MLKL: variants seen among roughly 807,000 people sequenced by gnomAD.
MLKL encodes mixed lineage kinase domain like pseudokinase.
A neutral mutation model predicts 56.5 loss-of-function variants in MLKL; 55 were observed. The ratio of observed to expected loss-of-function variants is 0.97; its 90% CI spans 0.78 to 1.22. The LOEUF (loss-of-function observed/expected upper bound fraction) is 1.22. Among genes scored for constraint, MLKL ranks in the 50% most tolerant of loss-of-function variants. MLKL has a pLI of 0.00. For missense variants in MLKL, 694 were observed against 573.9 expected (o/e 1.21, Z -2.14); for synonymous variants, 251 against 208.3 (o/e 1.20, Z -1.76).
chr16:74,693,885 G>A (rs1960849470), intron 2 of MLKL, among the ~76,000 whole-genome samples: 1 of 152,124 alleles, frequency 6.6e-6, no homozygotes, highest in Non-Finnish European at 1.5e-5. Context: ...TTACAGGCGT[G>A]AGCCACCCCG....
At chr16:74,698,200 C>T (rs1961165299) in intron 1 of MLKL, among the ~76,000 whole-genome samples, 1 of 151,870 alleles carries the variant, frequency 6.6e-6, no homozygotes, top group Non-Finnish European at 1.5e-5. Flanking sequence ...CAGAATGAGA[C>T]AGTGTCTCAA....
At position 74,685,489 on chromosome 16, in the gene MLKL, T is replaced by A. The variant is rs1960269860; in HGVS notation, c.817A>T (p.Thr273Ser). The change falls in exon 5 of 11, where the codon ACA becomes TCA. Residue 273 changes from threonine to serine, a missense_variant. Transcript: ENST00000308807. ...LRIFGICIDE[T>S]VTPPQFSIVM... Reference sequence around the variant, plus strand: ...CAATCCTAGAAGCATTCCTTACCTGTTTCATCAATGCAAATCCCAAATATA... The same window carrying A: ...CAATCCTAGAAGCATTCCTTACCTGATTCATCAATGCAAATCCCAAATATA... The A allele has an allele frequency of 6.2e-7, 1 of 1,612,792 alleles. No individual in the cohort carries two copies. The highest frequency in any genetic ancestry group is 2.2e-5 in the East Asian group (1 of 44,886).
At chr16:74,687,412 T>G (rs980701455) in intron 4 of MLKL, among the ~76,000 whole-genome samples, 21 of 151,588 alleles carry the variant, frequency 1.4e-4, no homozygotes, top group African/African-American at 5.1e-4. Context: ...TGTAGTTGGC[T>G]TAAAAAAAAA....
intron 2 of MLKL, among the ~76,000 whole-genome samples, chr16:74,693,453 C>CAAAAA (rs71158538): frequency 8.5e-5 from 3 of 35,386 alleles, no homozygotes; most frequent in Middle Eastern, 0.011. Context: ...GACTCTGTCT[C>CAAAAA]AAAAAAAAAA....
chr16:74,695,407 C>A lies in MLKL; in HGVS notation c.351G>T (p.Gln117His), dbSNP rs756471541. 5 of 1,614,244 alleles carry A rather than the reference C, an allele frequency of 3.1e-6. No homozygotes were observed. The Admixed American group carries it at 8.3e-5, about 27-fold the overall frequency. ...DVWKELSLLL[Q>H]VEQRMPVSPI... ...GTGAAACAGGCATGCGTTGCTCAAC[C>A]TGAAGTAACAGCGAGAGCTCCTTCC... Residue 117 changes from glutamine to histidine, a missense_variant, in exon 2 of 11, where the codon CAG becomes CAT. Coordinates refer to ENST00000308807, the MANE Select transcript of MLKL (RefSeq NM_152649.4).
In MLKL at chr16:74,682,759, A is replaced by T. The variant is rs768951882; in HGVS notation, c.848T>A (p.Met283Lys). 9 of 1,613,966 alleles carry T rather than the reference A, an allele frequency of 5.6e-6. No homozygotes were observed. The highest frequency in any genetic ancestry group is 6.8e-6 in the Non-Finnish European group (8 of 1,180,020). The change falls in exon 6 of 11, where the codon ATG (methionine) becomes AAG (lysine). Residue 283 changes from methionine (M) to lysine (K), a missense_variant. Met to Lys is a moderately conservative substitution (Grantham distance 95). Coordinates refer to ENST00000308807, the MANE Select transcript of MLKL (RefSeq NM_152649.4). ...TVTPPQFSIV[M>K]EYCELGTLRE... is the part of the protein sequence containing the mutation. ...CAGGGTCCCGAGTTCACAGTACTCC[A>T]TGACAATGGAGAATTGAGGCGGAGT...
chr16:74,682,504 C>T (rs1960036024), intron 6 of MLKL, 147 bp downstream of exon 6: 1 of 1,146,962 alleles, frequency 8.7e-7, no homozygotes, highest in African/African-American at 1.6e-5. Flanking sequence ...TTCCTCCCTC[C>T]TATCTGTAAT....
chr16:74,684,377 A>T (rs1199367679), intron 5 of MLKL, among the ~76,000 whole-genome samples: 1 of 144,238 alleles, frequency 6.9e-6, no homozygotes, highest in African/African-American at 2.5e-5. Context: ...GCAAAACATG[A>T]CCAGCAGGAG....
chr16:74,691,289 G>C lies in MLKL; in HGVS notation c.710C>G (p.Ala237Gly), dbSNP rs756812874. The C allele has an allele frequency of 4.3e-6, 7 of 1,611,250 alleles. No individual in the cohort carries two copies. Among genetic ancestry groups the C allele is most frequent in the Non-Finnish European group, 5.9e-6 (7 of 1,179,094 alleles). Reference protein sequence around the residue: ...VAIKVFKKLQAGSIAIVRQTF... With the variant: ...VAIKVFKKLQGGSIAIVRQTF... The stretch of plus-strand genomic sequence containing the variant: ...CAAAACAACTTACGCAATGCTGCCA[G>C]CCTGGAGTTTTTTGAATACTTTTAT... Residue 237 changes from alanine to glycine, a missense_variant, in exon 4 of 11, where the codon GCT becomes GGT. Coordinates refer to ENST00000308807, the MANE Select transcript of MLKL (RefSeq NM_152649.4).
rs749959169 is a variant in MLKL, at chr16:74,695,680, T to C, written c.78A>G (p.Lys26=). 4 of 1,614,148 alleles carry C rather than the reference T, an allele frequency of 2.5e-6. No homozygotes were observed. Among genetic ancestry groups the C allele is most frequent in the South Asian group, 2.2e-5 (2 of 91,088 alleles). ...KRCEEMKYCK[K]QCRRLGHRVL... The stretch of plus-strand genomic sequence containing the variant: ...CGCGGTGGCCCAGGCGCCGGCACTG[T>C]TTCTTGCAGTATTTCATCTCTTCAC... The change falls in exon 2 of 11, where the codon AAA becomes AAG. Residue 26 remains lysine (K), a synonymous_variant. Transcript: ENST00000308807.
In MLKL at chr16:74,678,976, G is replaced by A. The variant is rs1456761465; in HGVS notation, c.961C>T (p.His321Tyr). 13 of 1,613,712 alleles carry A rather than the reference G, an allele frequency of 8.1e-6. No individual in the cohort carries two copies. Among genetic ancestry groups the A allele is most frequent in the African/African-American group, 1.3e-5 (1 of 74,892 alleles). The change falls in exon 7 of 11, where the codon CAC becomes TAC. Residue 321 changes from histidine to tyrosine, a missense_variant. His to Tyr is a moderately conservative substitution (Grantham distance 83). Transcript: ENST00000308807. ...TGGAGTTCAGGTGCTTCTGAATGGT[G>A]TAGCCTGACACAGCCAAAGGCGGGG... ...LGAARGLYRL[H>Y]HSEAPELHGK... is the part of the protein sequence containing the mutation.
intron 4 of MLKL, among the ~76,000 whole-genome samples, chr16:74,691,056 T>G (rs1351300026): frequency 2.0e-5 from 3 of 151,590 alleles, no homozygotes; most frequent in African/African-American, 4.8e-5. Flanking sequence ...GAAAGTTGTT[T>G]TTTTTTTTTA....
intron 10 of MLKL, among the ~76,000 whole-genome samples, chr16:74,674,460 T>G (rs1325586073): frequency 6.6e-6 from 1 of 152,000 alleles, no homozygotes; most frequent in East Asian, 1.9e-4. Flanking sequence ...GCCAACATTT[T>G]TTTTTTTGAG....
rs1331181153 is a variant in MLKL at position 74,672,438 on chromosome 16, G to A, written c.*66C>T. 4 of 1,424,572 alleles carry A rather than the reference G, an allele frequency of 2.8e-6. No homozygotes were observed. The highest frequency in any genetic ancestry group is 3.4e-5 in the Admixed American group (2 of 58,496). 88.2% of individuals were successfully genotyped at this position (1,424,572 alleles called of 1,614,324 possible). A position where few individuals can be genotyped will look rare whatever the true frequency, so the allele number is the denominator to read the frequency against. Reference sequence around the variant, plus strand: ...CCAATGCCGAAGGATATGAGAGAGAGAGATGTCCAGTTTGTGCCTCTCCCA... The same window carrying A: ...CCAATGCCGAAGGATATGAGAGAGAAAGATGTCCAGTTTGTGCCTCTCCCA... On this transcript the variant is annotated 3_prime_UTR_variant, in exon 11 of 11. Transcript: ENST00000308807.
chr16:74,698,085 G>C (rs2144573237), intron 1 of MLKL, among the ~76,000 whole-genome samples: 1 of 152,054 alleles, frequency 6.6e-6, no homozygotes, highest in South Asian at 2.1e-4. Context: ...CTTGCCTGTA[G>C]TCCCAGCTAC....
chr16:74,674,800 G>A (rs1459504645), intron 10 of MLKL, among the ~76,000 whole-genome samples, 160 bp downstream of exon 10: 1 of 152,034 alleles, frequency 6.6e-6, no homozygotes, highest in African/African-American at 2.4e-5. Context: ...TACCTCCCTG[G>A]CCTTATGACA....
intron 5 of MLKL, 43 bp downstream of exon 5, chr16:74,685,443 C>A: frequency 1.4e-6 from 2 of 1,453,822 alleles, no homozygotes; most frequent in South Asian, 1.2e-5. Context: ...GAGGTGTGTT[C>A]TAGGCCATCC....
intron 5 of MLKL, among the ~76,000 whole-genome samples, chr16:74,685,142 G>C (rs1180360157): frequency 6.6e-6 from 1 of 152,156 alleles, no homozygotes; most frequent in Non-Finnish European, 1.5e-5. Context: ...GGGATTACAG[G>C]TGTGAGCCAC....
chr16:74,675,287 G>C, intron 9 of MLKL, 68 bp downstream of exon 9: 1 of 1,608,718 alleles, frequency 6.2e-7, no homozygotes, highest in East Asian at 2.2e-5. Flanking sequence ...GCACTGATGG[G>C]GAATTTCTGG....
Sources: gnomAD v4.1 joint callset for allele counts (sites outside exome capture counted in the v4.1 genomes callset) on GRCh38, gnomAD v4.1.1 for gene constraint, MANE v1.5 for transcripts, NCBI Gene and HGNC (gene_info 2026-07-23, HGNC 2026-07-21) for gene names.